PCLO: variants seen among roughly 807,000 people sequenced by gnomAD.
PCLO encodes the protein piccolo presynaptic cytomatrix protein.
Under a neutral mutation model 427.5 loss-of-function variants are expected in PCLO, and 82 were observed. The observed-to-expected ratio is 0.19, with a 90% CI of 0.16 to 0.23. The LOEUF is 0.23. Ranked by LOEUF, PCLO falls within the 10% of genes least tolerant of loss-of-function variation. The pLI, the probability that PCLO is intolerant of heterozygous loss-of-function variation, is 1.00. For missense variants in PCLO, 6,239 were observed against 6,115.9 expected (o/e 1.02, Z -0.67); for synonymous variants, 2,357 against 2,155.4 (o/e 1.09, Z -2.59).
intron 6 of PCLO, among the ~76,000 whole-genome samples, chr7:82,938,233 A>C (rs1795001435): frequency 6.6e-6 from 1 of 151,988 alleles, no homozygotes; most frequent in Middle Eastern, 3.2e-3. Context: ...TCATTGTTGT[A>C]AAGTGAAATA....
chr7:82,893,514 T>G (rs1279812724), intron 9 of PCLO, among the ~76,000 whole-genome samples: 2 of 151,870 alleles, frequency 1.3e-5, no homozygotes, highest in Admixed American at 6.6e-5. Flanking sequence ...ATGGCACATG[T>G]ATACATATGT....
chr7:82,836,945 C>G (rs1031395557), intron 15 of PCLO, among the ~76,000 whole-genome samples: 4 of 152,040 alleles, frequency 2.6e-5, no homozygotes, highest in African/African-American at 9.7e-5. Flanking sequence ...AGAAAACAGT[C>G]TATTTTGGTG....
chr7:83,097,529 T>A (rs575296910), intron 3 of PCLO, among the ~76,000 whole-genome samples: 13,599 of 107,290 alleles, frequency 0.13, 766 homozygotes, highest in Non-Finnish European at 0.16. Flanking sequence ...CTCAAAAATA[T>A]ATATATATAT....
At chr7:82,879,507 G>A (rs751999133) in intron 9 of PCLO, 45 bp from the exon 10 acceptor site, 25 of 1,419,888 alleles carry the variant, frequency 1.8e-5, no homozygotes, top group Non-Finnish European at 2.4e-5. Flanking sequence ...TTTAAGAAGG[G>A]ACAATAGTTA....
chr7:83,059,388 A>ATATATATATATATATAT (rs1789488753), intron 3 of PCLO, among the ~76,000 whole-genome samples: 1 of 143,344 alleles, frequency 7.0e-6, no homozygotes, highest in Non-Finnish European at 1.5e-5. Flanking sequence ...ATAAAAATGA[A>ATATATATATATATATAT]AAATAAGGTG....
intron 13 of PCLO, among the ~76,000 whole-genome samples, chr7:82,842,500 T>C (rs533000232): frequency 1.3e-3 from 195 of 152,186 alleles, no homozygotes; most frequent in Non-Finnish European, 2.5e-3. Flanking sequence ...TTTTTGGAGA[T>C]GACTCCGAAA....
intron 17 of PCLO, among the ~76,000 whole-genome samples, chr7:82,827,229 A>G (rs1373167278): frequency 6.6e-6 from 1 of 152,128 alleles, no homozygotes. Context: ...AACTGTCTTT[A>G]TAGTTTTCTC....
chr7:82,892,434 G>T (rs1028176142), intron 9 of PCLO, among the ~76,000 whole-genome samples: 2 of 152,118 alleles, frequency 1.3e-5, no homozygotes, highest in African/African-American at 4.8e-5. Context: ...ATTCAAGATG[G>T]ATTAAAGACG....
At chr7:83,028,288 T>C (rs1788559727) in intron 3 of PCLO, among the ~76,000 whole-genome samples, 1 of 149,628 alleles carries the variant, frequency 6.7e-6, no homozygotes, top group African/African-American at 2.4e-5. Flanking sequence ...TGTACAAAAA[T>C]CACAAGCATT....
chr7:82,805,408 A>T (rs1269363372), intron 21 of PCLO, among the ~76,000 whole-genome samples: 1 of 152,176 alleles, frequency 6.6e-6, no homozygotes, highest in Non-Finnish European at 1.5e-5. Flanking sequence ...TTCCTGCTGA[A>T]CTTTATTCTG....
At chr7:83,009,905 A>G (rs1377020749) in intron 3 of PCLO, among the ~76,000 whole-genome samples, 5 of 151,958 alleles carry the variant, frequency 3.3e-5, no homozygotes, top group Non-Finnish European at 5.9e-5. Flanking sequence ...TAAATAGTCA[A>G]TTAAGACATT....
At chr7:82,776,563 G>A (rs1301941463) in intron 22 of PCLO, among the ~76,000 whole-genome samples, 1 of 152,206 alleles carries the variant, frequency 6.6e-6, no homozygotes, top group East Asian at 1.9e-4. Context: ...GGGAGGCCAA[G>A]GCTGGCAGAT....
intron 22 of PCLO, among the ~76,000 whole-genome samples, chr7:82,779,724 A>AT (rs59284675): frequency 0.011 from 1,443 of 131,110 alleles, 23 homozygotes; most frequent in African/African-American, 0.039. Context: ...TTTGCTCTAT[A>AT]TTTTTTTTTC....
chr7:82,910,995 T>C (rs765360424), intron 7 of PCLO, among the ~76,000 whole-genome samples: 2 of 152,138 alleles, frequency 1.3e-5, no homozygotes, highest in African/African-American at 4.8e-5. Context: ...TAAATTAATA[T>C]CCTTTATGAT....
chr7:83,091,901 A>G (rs1031036022), intron 3 of PCLO, among the ~76,000 whole-genome samples: 1 of 152,204 alleles, frequency 6.6e-6, no homozygotes, highest in Non-Finnish European at 1.5e-5. Flanking sequence ...TCTGCTTATT[A>G]TAAGACTTCC....
At chr7:82,957,052 A>G in intron 4 of PCLO, 117 bp from the exon 5 acceptor site, 1 of 1,112,654 alleles carries the variant, frequency 9.0e-7, no homozygotes, top group Non-Finnish European at 1.2e-6. Flanking sequence ...AAATTTTTTC[A>G]ACCATATCTC....
chr7:83,041,507 T>C lies in PCLO; in HGVS notation c.3301-75020A>G, dbSNP rs527774293. ...GGGAGAAAAAGCTTGGTTAATAAAA[T>C]CCAAAATTCATAACCAAATTATATA... is the stretch of plus-strand genomic sequence containing the variant. On this transcript the variant is annotated intron_variant, in intron 3 of 24. Coordinates refer to ENST00000333891, the MANE Select transcript of PCLO (RefSeq NM_033026.6). Among the ~76,000 whole-genome samples, 54 of 152,124 alleles carry C rather than the reference T, an allele frequency of 3.5e-4. 1 individual carries two copies. The highest frequency in any genetic ancestry group is 7.5e-4 in the Non-Finnish European group (51 of 67,998).
intron 2 of PCLO, among the ~76,000 whole-genome samples, chr7:83,140,334 C>T (rs1791830256): frequency 6.6e-6 from 1 of 152,148 alleles, no homozygotes; most frequent in African/African-American, 2.4e-5. Flanking sequence ...CCCCTTCAAA[C>T]CTCAATGCCT....
chr7:83,065,404 G>C (rs558199240), intron 3 of PCLO, among the ~76,000 whole-genome samples: 3 of 148,784 alleles, frequency 2.0e-5, no homozygotes, highest in Non-Finnish European at 4.5e-5. Flanking sequence ...AATATTCTAA[G>C]TAAACTAAAC....
Sources: gnomAD v4.1 joint callset for allele counts (sites outside exome capture counted in the v4.1 genomes callset) on GRCh38, gnomAD v4.1.1 for gene constraint, MANE v1.5 for transcripts, NCBI Gene and HGNC (gene_info 2026-07-23, HGNC 2026-07-21) for gene names.